The following USP37 variants were observed in gnomAD, a reference collection of about 807,000 sequenced individuals.
USP37 encodes ubiquitin specific peptidase 37, also known as ubiquitin carboxyl-terminal hydrolase 37.
USP37 carries 27 observed loss-of-function variants against 124.0 expected under a neutral mutation model. That is an observed-to-expected ratio of 0.22 (90% CI 0.16 to 0.30). USP37 has a LOEUF of 0.30. Among genes scored for constraint, USP37 ranks in the 10% least tolerant of loss-of-function variants. The probability of loss-of-function intolerance (pLI) is 1.00; values close to 1 mark genes in which losing one functional copy is unlikely to be tolerated. For synonymous variants in USP37, 365 were observed against 388.0 expected (o/e 0.94, Z 0.70); for missense variants, 889 against 1,140.4 (o/e 0.78, Z 3.17).
At chr2:218,498,323 C>T (rs971480017) in intron 11 of USP37, 166 bp from the exon 12 acceptor site, 3 of 548,328 alleles carry the variant, frequency 5.5e-6, no homozygotes, top group Non-Finnish European at 8.5e-6. Flanking sequence ...GGTTTGGACA[C>T]AAATGTGTCC....
At chr2:218,556,510 T>TTTG (rs1692986454) in intron 4 of USP37, among the ~76,000 whole-genome samples, 1 of 131,652 alleles carries the variant, frequency 7.6e-6, no homozygotes, top group Admixed American at 7.6e-5. Context: ...TCTGTTTTTT[T>TTTG]TTTTTTTTTT....
At chr2:218,499,866 C>T (rs564183106) in intron 11 of USP37, among the ~76,000 whole-genome samples, 1 of 152,234 alleles carries the variant, frequency 6.6e-6, no homozygotes, top group South Asian at 2.1e-4. Context: ...ACTGCAGCCT[C>T]AACCTCCCGG....
intron 16 of USP37, among the ~76,000 whole-genome samples, chr2:218,483,866 A>G (rs548852357): frequency 4.9e-4 from 74 of 152,310 alleles, no homozygotes; most frequent in African/African-American, 1.8e-3. Context: ...TAATCCAAAA[A>G]TATAAGTCTC....
At chr2:218,567,544 GTTAGACACTTGTCAGGAATTGC>G (rs1399804688) in intron 1 of USP37, among the ~76,000 whole-genome samples, 14 of 152,074 alleles carry the variant, frequency 9.2e-5, no homozygotes, top group African/African-American at 3.4e-4. Flanking sequence ...ATCTCTTCCA[GTTAGACACTTGTCAGGAATTGC>G]CACCTCAATA....
intron 22 of USP37, among the ~76,000 whole-genome samples, chr2:218,462,343 A>G (rs1690060880): frequency 6.6e-6 from 1 of 152,026 alleles, no homozygotes; most frequent in Admixed American, 6.6e-5. Context: ...TCTCCAAAAA[A>G]ATGAAGACAT....
chr2:218,463,259 A>T, intron 22 of USP37, 47 bp downstream of exon 22: 2 of 1,516,544 alleles, frequency 1.3e-6, no homozygotes, highest in Non-Finnish European at 1.8e-6. Context: ...CTATGTGTGA[A>T]TGGTAATTTT....
At chr2:218,546,792 C>T (rs1692351014) in intron 7 of USP37, 127 bp downstream of exon 7, 3 of 1,044,646 alleles carry the variant, frequency 2.9e-6, no homozygotes, top group Non-Finnish European at 4.1e-6. Flanking sequence ...ATGACAAATA[C>T]TTGTAATCAT....
chr2:218,527,503 C>T (rs1478098317), intron 10 of USP37, among the ~76,000 whole-genome samples: 1 of 152,234 alleles, frequency 6.6e-6, no homozygotes, highest in African/African-American at 2.4e-5. Context: ...ACATTCCTTA[C>T]CGCTTTAGCC....
chr2:218,553,430 C>G, intron 5 of USP37, 123 bp downstream of exon 5: 1 of 850,170 alleles, frequency 1.2e-6, no homozygotes, highest in East Asian at 3.1e-5. Context: ...AGGAATAAAT[C>G]TTATTTGCTC....
chr2:218,488,561 C>G, intron 14 of USP37, 140 bp from the exon 15 acceptor site: 1 of 542,230 alleles, frequency 1.8e-6, no homozygotes. Flanking sequence ...ACATTTAAGA[C>G]TTTTTCATGC....
rs187129510 is a variant in USP37 at position 218,498,277 on chromosome 2, T to G, written c.1026-120A>C. 4,918 of 1,043,840 alleles carry G rather than the reference T, an allele frequency of 4.7e-3. 27 individuals are homozygous for G. The highest frequency in any genetic ancestry group is 4.6e-3 in the Non-Finnish European group (3,484 of 756,114). The allele number at this position is 1,043,840 out of a possible 1,614,324, so 64.7% of individuals were successfully genotyped here. ...CCTGGAGGGCTTGTTAAACTACATA[T>G]TACTACACCCTAACCCCAAGGTTTC... is the stretch of plus-strand genomic sequence containing the variant. On this transcript the variant is annotated intron_variant, in intron 11 of 25. Transcript: ENST00000258399.
At chr2:218,519,782 A>G (rs1397284379) in intron 10 of USP37, among the ~76,000 whole-genome samples, 1 of 151,562 alleles carries the variant, frequency 6.6e-6, no homozygotes, top group Admixed American at 6.6e-5. Context: ...TTTTTGTATT[A>G]TTAGTAGAGA....
chr2:218,460,865 C>T (rs562303452), intron 22 of USP37, among the ~76,000 whole-genome samples: 4 of 151,856 alleles, frequency 2.6e-5, no homozygotes, highest in African/African-American at 4.8e-5. Context: ...CACTTGAACC[C>T]GGGAGGCGGA....
intron 1 of USP37, among the ~76,000 whole-genome samples, chr2:218,566,108 G>A (rs909417882): frequency 1.3e-5 from 2 of 152,076 alleles, no homozygotes; most frequent in Non-Finnish European, 2.9e-5. Context: ...CAAGATACAT[G>A]GAATGATGAG....
intron 17 of USP37, among the ~76,000 whole-genome samples, chr2:218,480,878 A>C (rs16859012): frequency 0.057 from 8,645 of 152,288 alleles, 362 homozygotes; most frequent in East Asian, 0.12. Context: ...AAAAAACCAG[A>C]AACACTTAGA....
At chr2:218,499,245 G>A (rs1574888271) in intron 11 of USP37, among the ~76,000 whole-genome samples, 2 of 152,064 alleles carry the variant, frequency 1.3e-5, no homozygotes, top group South Asian at 2.1e-4. Flanking sequence ...CTGCACTCAA[G>A]CCTGGGCAAC....
intron 21 of USP37, among the ~76,000 whole-genome samples, chr2:218,464,484 C>T (rs1411413511): frequency 6.6e-6 from 1 of 151,404 alleles, no homozygotes; most frequent in Non-Finnish European, 1.5e-5. Flanking sequence ...GGGATCCACC[C>T]ACCTTGGCCT....
At chr2:218,520,175 T>C (rs1198553814) in intron 10 of USP37, among the ~76,000 whole-genome samples, 2 of 151,936 alleles carry the variant, frequency 1.3e-5, no homozygotes. Flanking sequence ...TGACCTCATG[T>C]GATCCACCCA....
At chr2:218,520,900 A>G (rs1205749478) in intron 10 of USP37, among the ~76,000 whole-genome samples, 1 of 152,164 alleles carries the variant, frequency 6.6e-6, no homozygotes, top group East Asian at 1.9e-4. Context: ...GTAAAATCAT[A>G]ATACCCAATG....
Sources: allele counts gnomAD v4.1 joint callset (sites outside exome capture counted in the v4.1 genomes callset), GRCh38; gene constraint gnomAD v4.1.1; transcripts MANE v1.5; gene names NCBI Gene and HGNC (gene_info 2026-07-23, HGNC 2026-07-21).